The following TSHZ2 variants were observed in gnomAD, a reference collection of about 807,000 sequenced individuals.
TSHZ2 encodes the protein teashirt zinc finger homeobox 2, also known as teashirt homolog 2.
A neutral mutation model predicts 74.4 loss-of-function variants in TSHZ2; 21 were observed. The ratio of observed to expected loss-of-function variants is 0.28; its 90% CI spans 0.20 to 0.41. The LOEUF is 0.41. Among genes scored for constraint, TSHZ2 ranks in the 10% least tolerant of loss-of-function variants. The probability of loss-of-function intolerance (pLI) is 1.00; values close to 1 mark genes in which losing one functional copy is unlikely to be tolerated. For synonymous variants in TSHZ2, 540 were observed against 515.3 expected, an observed-to-expected ratio of 1.05 and a Z score of -0.65; for missense variants, 1,244 against 1,293.5, an observed-to-expected ratio of 0.96 and a Z score of 0.59.
At position 53,481,996 on chromosome 20, in the gene TSHZ2, C is replaced by A. The variant is rs187349613; in HGVS notation, c.*9-5148C>A. Reference sequence around the variant, plus strand: ...GCGTATGCCTGTAATCCCAGCTACTCGGGAGGCTGAGGCAGGAGAATTGCT... The same window carrying A: ...GCGTATGCCTGTAATCCCAGCTACTAGGGAGGCTGAGGCAGGAGAATTGCT... On this transcript the variant is annotated intron_variant, in intron 2 of 2. Transcript: ENST00000371497. 2.3e-4 allele frequency among the ~76,000 whole-genome samples: 34 copies of A among 149,792 alleles called. No homozygotes were observed. In the East Asian group the frequency reaches 6.6e-3, roughly 29 times the overall value.
chr20:53,259,013 G>A (rs1600773664), intron 2 of TSHZ2, among the ~76,000 whole-genome samples: 1 of 152,172 alleles, frequency 6.6e-6, no homozygotes, highest in Admixed American at 6.5e-5. Context: ...TACAAAGGTC[G>A]ATTCTTGGTG....
chr20:52,999,043 A>C (rs1982311291), intron 1 of TSHZ2, among the ~76,000 whole-genome samples: 1 of 152,234 alleles, frequency 6.6e-6, no homozygotes, highest in Non-Finnish European at 1.5e-5. Context: ...TGAAACTTAC[A>C]GCAGTGATTT....
chr20:53,410,537 G>C (rs912139727), intron 2 of TSHZ2, among the ~76,000 whole-genome samples: 2 of 151,412 alleles, frequency 1.3e-5, no homozygotes, highest in Admixed American at 6.6e-5. Context: ...TCTGGGCTTG[G>C]CATACATAAC....
chr20:53,120,645 T>C (rs1194680204), intron 1 of TSHZ2, among the ~76,000 whole-genome samples: 1 of 152,182 alleles, frequency 6.6e-6, no homozygotes, highest in Non-Finnish European at 1.5e-5. Context: ...GTAAAAATGT[T>C]TTCAGTGTTT....
At chr20:53,227,075 C>T (rs1366915073) in intron 1 of TSHZ2, among the ~76,000 whole-genome samples, 2 of 151,776 alleles carry the variant, frequency 1.3e-5, no homozygotes, top group Admixed American at 1.3e-4. Context: ...GCTGATCTCA[C>T]ACCGGCTTAT....
At chr20:53,291,690 G>A (rs1228846368) in intron 2 of TSHZ2, among the ~76,000 whole-genome samples, 1 of 151,996 alleles carries the variant, frequency 6.6e-6, no homozygotes, top group Non-Finnish European at 1.5e-5. Context: ...TCTTGCACTG[G>A]CTGTGCTGGA....
intron 2 of TSHZ2, among the ~76,000 whole-genome samples, chr20:53,378,842 G>A (rs752614544): frequency 2.6e-5 from 4 of 152,246 alleles, no homozygotes; most frequent in African/African-American, 7.2e-5. Context: ...GTCAGTTGAT[G>A]TAAATAAAAC....
chr20:53,402,863 G>A (rs565401523), intron 2 of TSHZ2, among the ~76,000 whole-genome samples: 13 of 152,262 alleles, frequency 8.5e-5, no homozygotes, highest in African/African-American at 2.6e-4. Context: ...ACATCAAACC[G>A]AACTTTGATT....
chr20:53,350,748 G>C (rs933621634), intron 2 of TSHZ2, among the ~76,000 whole-genome samples: 1 of 152,188 alleles, frequency 6.6e-6, no homozygotes, highest in Non-Finnish European at 1.5e-5. Context: ...TTTTCACAAA[G>C]ATGAAACACT....
chr20:53,165,444 T>C (rs1192379122), intron 1 of TSHZ2, among the ~76,000 whole-genome samples: 1 of 152,208 alleles, frequency 6.6e-6, no homozygotes, highest in Non-Finnish European at 1.5e-5. Flanking sequence ...CCTTGTCACA[T>C]TGTCGTGGTG....
chr20:53,201,350 C>G lies in TSHZ2; in HGVS notation c.41-52149C>G, dbSNP rs1330849617. On this transcript the variant is annotated intron_variant, in intron 1 of 2. Transcript: ENST00000371497. ...CCTTCGGGAGGCTCCAGAGGAGATT[C>G]TTTTTCCAGCTTCTAAAGCTGCCTG... 2.0e-5 allele frequency among the ~76,000 whole-genome samples: 3 copies of G among 152,054 alleles called. No homozygotes were observed. The East Asian group carries it at 5.8e-4, about 29-fold the overall frequency.
chr20:53,099,138 A>G (rs913883054), intron 1 of TSHZ2, among the ~76,000 whole-genome samples: 2 of 152,126 alleles, frequency 1.3e-5, no homozygotes, highest in African/African-American at 2.4e-5. Context: ...ATGATCTTCT[A>G]TTGACTAGGC....
chr20:53,391,769 C>T (rs1183986378), intron 2 of TSHZ2, among the ~76,000 whole-genome samples: 2 of 152,086 alleles, frequency 1.3e-5, no homozygotes, highest in African/African-American at 4.8e-5. Flanking sequence ...ATGGCGAAAC[C>T]CTGTCTCTAC....
At chr20:53,303,853 G>T (rs1287772063) in intron 2 of TSHZ2, among the ~76,000 whole-genome samples, 1 of 152,128 alleles carries the variant, frequency 6.6e-6, no homozygotes, top group Non-Finnish European at 1.5e-5. Context: ...TCACCATGTT[G>T]TAAGTACCCA....
At chr20:53,222,269 T>C (rs781709905) in intron 1 of TSHZ2, among the ~76,000 whole-genome samples, 8 of 152,196 alleles carry the variant, frequency 5.3e-5, no homozygotes, top group Non-Finnish European at 1.2e-4. Flanking sequence ...GGCATTGCTT[T>C]ATTTTCTCCC....
At chr20:53,413,256 G>C (rs975497220) in intron 2 of TSHZ2, among the ~76,000 whole-genome samples, 1 of 152,198 alleles carries the variant, frequency 6.6e-6, no homozygotes, top group Non-Finnish European at 1.5e-5. Context: ...AAGTGAGGGG[G>C]AAGGAGGCCA....
intron 2 of TSHZ2, among the ~76,000 whole-genome samples, chr20:53,294,080 G>A (rs1991331924): frequency 6.6e-6 from 1 of 152,146 alleles, no homozygotes; most frequent in Non-Finnish European, 1.5e-5. Flanking sequence ...CAATTTCTGT[G>A]GTGTAAATAC....
intron 2 of TSHZ2, among the ~76,000 whole-genome samples, chr20:53,340,629 T>C (rs1443121566): frequency 6.6e-6 from 1 of 152,224 alleles, no homozygotes; most frequent in African/African-American, 2.4e-5. Flanking sequence ...TGTTGCGCAC[T>C]CCTATGAAGG....
At chr20:53,279,208 A>G (rs1230229561) in intron 2 of TSHZ2, among the ~76,000 whole-genome samples, 6 of 152,216 alleles carry the variant, frequency 3.9e-5, no homozygotes, top group African/African-American at 1.2e-4. Flanking sequence ...GAGGCAGAAG[A>G]AAATCCATGT....
Sources: gnomAD v4.1 joint callset for allele counts (sites outside exome capture counted in the v4.1 genomes callset) on GRCh38, gnomAD v4.1.1 for gene constraint, MANE v1.5 for transcripts, NCBI Gene and HGNC (gene_info 2026-07-23, HGNC 2026-07-21) for gene names.